The following TBC1D16 variants were observed in gnomAD, a reference collection of about 807,000 sequenced individuals.
TBC1D16 encodes the protein CTD-2529O21.1.
In TBC1D16, 58 loss-of-function variants were observed where a neutral mutation model predicts 74.7. The observed-to-expected ratio is 0.78, with a 90% CI of 0.63 to 0.97. The LOEUF (loss-of-function observed/expected upper bound fraction) is 0.97, where lower values mean the gene tolerates loss of function less well. Ranked by LOEUF, TBC1D16 falls within the 50% of genes least tolerant of loss-of-function variation. TBC1D16 has a pLI of 0.00. For missense variants in TBC1D16, 1,014 were observed against 1,079.5 expected, an observed-to-expected ratio of 0.94 and a Z score of 0.85; for synonymous variants, 493 against 474.7, an observed-to-expected ratio of 1.04 and a Z score of -0.50.
Position 79,983,639 on chromosome 17 carries a change from T to C in TBC1D16, c.779+26521A>G, listed in dbSNP as rs1210714643. The stretch of plus-strand genomic sequence containing the variant: ...GTGCACATGTGTGCAAAGCCTGCTT[T>C]AGGAGAGCAAGGAAGTGCCGCCCAC... On this transcript the variant is annotated intron_variant, in intron 3 of 11. Coordinates refer to ENST00000310924, the MANE Select transcript of TBC1D16 (RefSeq NM_019020.4). The surrounding 1 kb of genome is among the most constrained non-coding windows in gnomAD (Gnocchi z 5.6). Among the ~76,000 whole-genome samples, 1 of 152,122 alleles carries C rather than the reference T, an allele frequency of 6.6e-6. No homozygotes were observed. The highest frequency in any genetic ancestry group is 1.5e-5 in the Non-Finnish European group (1 of 67,998).
rs11150818 is a variant in TBC1D16 at position 79,936,458 on chromosome 17, A to C, written c.*4401T>G. ...GACAGTTTTACACTTAGAGTCCCCA[A>C]TGCACTCCCAGGAGGTGGCCTGGGC... On this transcript the variant is annotated 3_prime_UTR_variant, in exon 12 of 12. Coordinates refer to ENST00000310924, the MANE Select transcript of TBC1D16 (RefSeq NM_019020.4). The C allele has an allele frequency of 0.72, 109,582 of 151,734 alleles. 39,633 individuals are homozygous for C. The highest frequency in any genetic ancestry group is 0.77 in the East Asian group (3,947 of 5,138). 9.4% of individuals were successfully genotyped at this position (151,734 alleles called of 1,614,324 possible).
chr17:79,955,481 A>G (rs1460063836), intron 3 of TBC1D16, among the ~76,000 whole-genome samples: 2 of 152,218 alleles, frequency 1.3e-5, no homozygotes, highest in African/African-American at 4.8e-5. Context: ...AAGAAAATAA[A>G]CTACAGGGAA....
intron 1 of TBC1D16, among the ~76,000 whole-genome samples, chr17:80,031,832 G>C (rs1448489252): frequency 6.6e-6 from 1 of 152,204 alleles, no homozygotes; most frequent in Non-Finnish European, 1.5e-5. Context: ...GTCTGGCTCA[G>C]GTACCTCCTA....
In TBC1D16 at chr17:79,956,944, G is replaced by A. The variant is rs1033835319; in HGVS notation, c.780-4126C>T. Among the ~76,000 whole-genome samples, 8 of 152,188 alleles carry A rather than the reference G, an allele frequency of 5.3e-5. No homozygotes were observed. The highest frequency in any genetic ancestry group is 4.1e-4 in the South Asian group (2 of 4,826). ...AGGCACGTTGCTGGGGGAGGTGTGCGGTGGCTCCTGGGTCCAGGACTCTTG... is the reference window on the plus strand; with the variant it reads ...AGGCACGTTGCTGGGGGAGGTGTGCAGTGGCTCCTGGGTCCAGGACTCTTG... On this transcript the variant is annotated intron_variant, in intron 3 of 11. Transcript: ENST00000310924. The surrounding 1 kb of genome is among the most constrained non-coding windows in gnomAD (Gnocchi z 4.0).
rs932310734 is a variant in TBC1D16, at chr17:79,986,864, C to T, written c.779+23296G>A. 7.9e-5 allele frequency among the ~76,000 whole-genome samples: 12 copies of T among 152,188 alleles called. No individual in the cohort carries two copies. Among genetic ancestry groups the T allele is most frequent in the African/African-American group, 1.9e-4 (8 of 41,448 alleles). ...GCCTGAGGCCGGGCCGGTGGGAGGG[C>T]GTGATGCATGGGAGGAGCTGGACTG... On this transcript the variant is annotated intron_variant, in intron 3 of 11. Transcript: ENST00000310924. This position sits in a 1 kb window ranked among gnomAD's most constrained non-coding sequence, Gnocchi z 6.0.
chr17:79,941,996 C>T lies in TBC1D16; in HGVS notation c.2055+64G>A, dbSNP rs572212330. The T allele has an allele frequency of 3.0e-4, 392 of 1,311,746 alleles. No homozygotes were observed. Among genetic ancestry groups the T allele is most frequent in the African/African-American group, 2.6e-3 (117 of 45,508 alleles). 81.3% of individuals were successfully genotyped at this position (1,311,746 alleles called of 1,614,324 possible). A position where few individuals can be genotyped will look rare whatever the true frequency, so the allele number is the denominator to read the frequency against. On this transcript the variant is annotated intron_variant, in intron 11 of 11. Coordinates refer to ENST00000310924, the MANE Select transcript of TBC1D16 (RefSeq NM_019020.4). The surrounding 1 kb of genome is among the most constrained non-coding windows in gnomAD (Gnocchi z 4.3). ...TGGGGCAGCCTCACCTTTCTGAGAA[C>T]GAGCTGGTGGGGTGGGGCTTTGGGG...
chr17:79,954,148 A>G lies in TBC1D16; in HGVS notation c.780-1330T>C, dbSNP rs1241026869. Among the ~76,000 whole-genome samples, 4 of 152,296 alleles carry G rather than the reference A, an allele frequency of 2.6e-5. No individual in the cohort carries two copies. The East Asian group carries it at 7.7e-4, about 29-fold the overall frequency. Reference sequence around the variant, plus strand: ...AGGCAAGACTCAGCTCTGGACCCCAACTGCAGCACCCCACAGAGACTCAGC... The same window carrying G: ...AGGCAAGACTCAGCTCTGGACCCCAGCTGCAGCACCCCACAGAGACTCAGC... On this transcript the variant is annotated intron_variant, in intron 3 of 11. Transcript: ENST00000310924. This position sits in a 1 kb window ranked among gnomAD's most constrained non-coding sequence, Gnocchi z 5.5.
chr17:79,949,056 C>T (rs2032812113), intron 7 of TBC1D16, 50 bp from the exon 8 acceptor site: 2 of 1,610,772 alleles, frequency 1.2e-6, no homozygotes, highest in Non-Finnish European at 1.7e-6. Flanking sequence ...CACCCAGAGG[C>T]ATCGTGTGGC....
chr17:79,970,284 G>A (rs990970587), intron 3 of TBC1D16, among the ~76,000 whole-genome samples: 3 of 152,200 alleles, frequency 2.0e-5, no homozygotes, highest in African/African-American at 4.8e-5. Flanking sequence ...GGGGAAGGAA[G>A]GGCTGGGCTG....
chr17:79,984,060 G>A (rs987615315), intron 3 of TBC1D16, among the ~76,000 whole-genome samples: 7 of 149,950 alleles, frequency 4.7e-5, no homozygotes, highest in African/African-American at 1.2e-4. Flanking sequence ...TACAGAGATG[G>A]CGGGGTGGGG....
rs150477215 is a variant in TBC1D16, at chr17:80,019,378, T to C, written c.-62-5769A>G. Among the ~76,000 whole-genome samples, 853 of 149,342 alleles carry C rather than the reference T, an allele frequency of 5.7e-3. 11 individuals are homozygous for C. Among genetic ancestry groups the C allele is most frequent in the Middle Eastern group, 0.02 (6 of 294 alleles). On this transcript the variant is annotated intron_variant, in intron 1 of 11. Transcript: ENST00000310924. ...GCGGGAAACCCTGCAGCGTGAGACC[T>C]TCGTCCCCCACGTGCAGAACTCCGG...
intron 3 of TBC1D16, among the ~76,000 whole-genome samples, chr17:80,004,101 A>G (rs2035588854): frequency 6.6e-6 from 1 of 152,232 alleles, no homozygotes; most frequent in Admixed American, 6.5e-5. Flanking sequence ...CAATTTTATT[A>G]ATCCGTATTA....
intron 3 of TBC1D16, among the ~76,000 whole-genome samples, chr17:79,996,518 C>T (rs896260196): frequency 1.3e-5 from 2 of 152,076 alleles, no homozygotes; most frequent in African/African-American, 2.4e-5. Context: ...ACAAGGCACT[C>T]GTAAATTTCT....
At chr17:79,970,154 C>T (rs760859901) in intron 3 of TBC1D16, among the ~76,000 whole-genome samples, 7 of 152,184 alleles carry the variant, frequency 4.6e-5, no homozygotes, top group East Asian at 3.9e-4. Context: ...CCTGAAAACA[C>T]GATGCTAAGC....
In TBC1D16 at chr17:79,983,483, C is replaced by G. The variant is rs2034677984; in HGVS notation, c.779+26677G>C. ...ACAGGAGTGTGGACAACCTGGGGAA[C>G]AGCCATGGAGACAGTGTCCCCCTAT... On this transcript the variant is annotated intron_variant, in intron 3 of 11. Coordinates refer to ENST00000310924, the MANE Select transcript of TBC1D16 (RefSeq NM_019020.4). This position sits in a 1 kb window ranked among gnomAD's most constrained non-coding sequence, Gnocchi z 5.6. Among the ~76,000 whole-genome samples, 1 of 152,214 alleles carries G rather than the reference C, an allele frequency of 6.6e-6. No individual in the cohort carries two copies. Among genetic ancestry groups the G allele is most frequent in the Non-Finnish European group, 1.5e-5 (1 of 68,042 alleles).
At chr17:79,995,771 C>G (rs540327504) in intron 3 of TBC1D16, among the ~76,000 whole-genome samples, 1 of 151,608 alleles carries the variant, frequency 6.6e-6, no homozygotes, top group African/African-American at 2.4e-5. Flanking sequence ...GGCGACAGAG[C>G]GAAACTCTGT....
rs181328953 is a variant in TBC1D16 at position 79,996,609 on chromosome 17, G to A, written c.779+13551C>T. Among the ~76,000 whole-genome samples the A allele has an allele frequency of 3.3e-5, 5 of 152,294 alleles. No homozygotes were observed. In the East Asian group the frequency reaches 5.8e-4, roughly 18 times the overall value. On this transcript the variant is annotated intron_variant, in intron 3 of 11. Transcript: ENST00000310924. ...AAAACTAAGCACATAGGCCGGGAAC[G>A]GTGGCTCACGCTTGCAATCCCAGCA...
chr17:80,012,862 G>A (rs945828973), intron 2 of TBC1D16, among the ~76,000 whole-genome samples: 2 of 152,080 alleles, frequency 1.3e-5, no homozygotes, highest in African/African-American at 2.4e-5. Context: ...GGAAGGGGAC[G>A]GCAACAGGAA....
In TBC1D16 at chr17:79,948,861, G is replaced by C. The variant is rs1181744297; in HGVS notation, c.1541+11C>G. On this transcript the variant is annotated intron_variant, in intron 8 of 11. Transcript: ENST00000310924. ...TGCAGATGGGAAAGGAGCTGGCTGG[G>C]GAGGGAGTACCTCATGCTCTCCACA... 1.2e-6 allele frequency: 2 copies of C among 1,613,926 alleles called. No individual in the cohort carries two copies. The highest frequency in any genetic ancestry group is 2.7e-5 in the African/African-American group (2 of 74,926).
Sources: allele counts gnomAD v4.1 joint callset (sites outside exome capture counted in the v4.1 genomes callset), GRCh38; gene constraint gnomAD v4.1.1; non-coding constraint Gnocchi (gnomAD v3.1); transcripts MANE v1.5; gene names NCBI Gene and HGNC (gene_info 2026-07-23, HGNC 2026-07-21).